PCDH15: variants seen among roughly 807,000 people sequenced by gnomAD.
The protein encoded by PCDH15 is protocadherin related 15.
Under a neutral mutation model 178.5 loss-of-function variants are expected in PCDH15, and 129 were observed. That is an observed-to-expected ratio of 0.72 (90% CI 0.63 to 0.84). PCDH15 has a LOEUF of 0.84. Ranked by LOEUF, PCDH15 falls within the 40% of genes least tolerant of loss-of-function variation. The pLI is 0.00. For missense variants in PCDH15, 2,230 were observed against 2,099.9 expected, an observed-to-expected ratio of 1.06 and a Z score of -1.21; for synonymous variants, 800 against 732.0, an observed-to-expected ratio of 1.09 and a Z score of -1.50.
chr10:55,527,649 T>C (rs550436404), intron 2 of PCDH15, among the ~76,000 whole-genome samples: 3 of 152,036 alleles, frequency 2.0e-5, no homozygotes, highest in African/African-American at 7.2e-5. Context: ...TCTTTCTTAT[T>C]AAGTCAAACT....
chr10:54,889,038 G>C (rs548212287), intron 3 of PCDH15, among the ~76,000 whole-genome samples: 20 of 151,772 alleles, frequency 1.3e-4, no homozygotes, highest in African/African-American at 4.8e-4. Context: ...CCATATATAT[G>C]AGCATAACAA....
At chr10:54,791,446 C>A (rs1951398799) in intron 1 of PCDH15, among the ~76,000 whole-genome samples, 1 of 151,850 alleles carries the variant, frequency 6.6e-6, no homozygotes, top group South Asian at 2.1e-4. Context: ...CCTTAGAAAC[C>A]TTGACCTCTT....
At chr10:54,056,938 C>A (rs12243005) in intron 18 of PCDH15, among the ~76,000 whole-genome samples, 31,734 of 152,108 alleles carry the variant, frequency 0.21, 3,493 homozygotes, top group Non-Finnish European at 0.23. Context: ...AGGCCCCACG[C>A]AAGTCCAAAA....
intron 21 of PCDH15, among the ~76,000 whole-genome samples, chr10:53,987,572 T>C (rs2091194912): frequency 6.6e-6 from 1 of 152,068 alleles, no homozygotes; most frequent in Admixed American, 6.6e-5. Context: ...GAAAATATAA[T>C]GAAAATAAAC....
At chr10:54,763,062 C>T (rs1307296609) in intron 1 of PCDH15, among the ~76,000 whole-genome samples, 1 of 152,116 alleles carries the variant, frequency 6.6e-6, no homozygotes, top group Non-Finnish European at 1.5e-5. Context: ...ACATCACAGA[C>T]CATCTGTGAG....
In PCDH15 at chr10:53,806,792, C is replaced by A; in HGVS notation, c.5010G>T (p.Leu1670=). Residue 1670 remains leucine, a synonymous_variant, in exon 38 of 38, where the codon CTG becomes CTT. Coordinates refer to ENST00000644397, the MANE Select transcript of PCDH15 (RefSeq NM_001384140.1). ...CCACAGGGCAAGGGGCAAATGTAAC[C>A]AGAGTTGGTCTTGCATTCATTTTTT... is the stretch of plus-strand genomic sequence containing the variant. ...STEKMNARPT[L]VTFAPCPVGT... 1 of 1,613,834 alleles carries A rather than the reference C, an allele frequency of 6.2e-7. No homozygotes were observed. Among genetic ancestry groups the A allele is most frequent in the Non-Finnish European group, 8.5e-7 (1 of 1,179,828 alleles).
intron 20 of PCDH15, among the ~76,000 whole-genome samples, chr10:53,996,114 A>G (rs917776193): frequency 2.0e-5 from 3 of 152,156 alleles, no homozygotes; most frequent in Non-Finnish European, 4.4e-5. Context: ...TTTCTTTAAA[A>G]GCTACATTCT....
At position 54,818,773 on chromosome 10, in the gene PCDH15, T is replaced by C. The variant is rs1952989114; in HGVS notation, c.-29+78677A>G. Among the ~76,000 whole-genome samples, 7 of 152,118 alleles carry C rather than the reference T, an allele frequency of 4.6e-5. No homozygotes were observed. The South Asian group carries it at 1.5e-3, about 32-fold the overall frequency. On this transcript the variant is annotated intron_variant, in intron 3 of 5. Coordinates refer to the PCDH15 transcript ENST00000458638. ...GAATTAGAGACCCTATGAAAGAACTTCTAGTCATGAAAACACACAGAATAT... is the reference window on the plus strand; with the variant it reads ...GAATTAGAGACCCTATGAAAGAACTCCTAGTCATGAAAACACACAGAATAT...
chr10:54,557,806 T>G (rs932075579), intron 2 of PCDH15, among the ~76,000 whole-genome samples: 1 of 152,172 alleles, frequency 6.6e-6, no homozygotes, highest in African/African-American at 2.4e-5. Flanking sequence ...GACAAGGTGA[T>G]AAATCTAGTA....
intron 1 of PCDH15, among the ~76,000 whole-genome samples, chr10:55,263,082 G>T (rs1249091540): frequency 1.3e-5 from 2 of 152,094 alleles, no homozygotes; most frequent in African/African-American, 4.8e-5. Flanking sequence ...TTTCGACTGG[G>T]TCTCATCCGG....
chr10:53,982,600 C>G (rs1351201683), intron 21 of PCDH15, among the ~76,000 whole-genome samples: 1 of 142,034 alleles, frequency 7.0e-6, no homozygotes, highest in Non-Finnish European at 1.5e-5. Flanking sequence ...TGTTCTCACT[C>G]ATAGGTGGGA....
chr10:55,499,615 T>C (rs554941350), intron 2 of PCDH15, among the ~76,000 whole-genome samples: 1 of 151,748 alleles, frequency 6.6e-6, no homozygotes, highest in Non-Finnish European at 1.5e-5. Context: ...TCAGCTAAAA[T>C]AGATGAAAGG....
intron 2 of PCDH15, among the ~76,000 whole-genome samples, chr10:55,378,656 T>A (rs533444173): frequency 6.6e-6 from 1 of 152,194 alleles, no homozygotes; most frequent in African/African-American, 2.4e-5. Flanking sequence ...AACTTCTCCA[T>A]TCCTCAATTC....
At chr10:55,294,905 A>G (rs967632238) in intron 1 of PCDH15, among the ~76,000 whole-genome samples, 11 of 152,180 alleles carry the variant, frequency 7.2e-5, no homozygotes, top group African/African-American at 2.7e-4. Context: ...ATTTTTCCGT[A>G]TTAAAATTTT....
chr10:54,979,307 T>A (rs1839157722), intron 2 of PCDH15, among the ~76,000 whole-genome samples: 1 of 152,288 alleles, frequency 6.6e-6, no homozygotes, highest in African/African-American at 2.4e-5. Context: ...ATTATTTGAA[T>A]AGTTCTCTTG....
intron 3 of PCDH15, among the ~76,000 whole-genome samples, chr10:54,435,413 T>C (rs114114951): frequency 0.02 from 3,007 of 152,324 alleles, 105 homozygotes; most frequent in African/African-American, 0.069. Context: ...CATAACATGC[T>C]GGGGCCTTCT....
intron 23 of PCDH15, among the ~76,000 whole-genome samples, chr10:53,951,320 C>A (rs2087014700): frequency 6.7e-6 from 1 of 150,218 alleles, no homozygotes; most frequent in African/African-American, 2.4e-5. Flanking sequence ...ATTTCCCTCC[C>A]ACCCCCACCA....
chr10:55,397,151 T>C (rs1005475126), intron 2 of PCDH15, among the ~76,000 whole-genome samples: 7 of 152,192 alleles, frequency 4.6e-5, no homozygotes, highest in African/African-American at 1.4e-4. Context: ...ATATTTCTAG[T>C]ATAAATTATC....
intron 2 of PCDH15, among the ~76,000 whole-genome samples, chr10:54,981,766 C>T (rs572629816): frequency 1.3e-5 from 2 of 151,802 alleles, no homozygotes; most frequent in Admixed American, 6.6e-5. Flanking sequence ...TTCCTGGAAC[C>T]CCCCACCTCC....
Sources: gnomAD v4.1 joint callset for allele counts (sites outside exome capture counted in the v4.1 genomes callset) on GRCh38, gnomAD v4.1.1 for gene constraint, MANE v1.5 for transcripts, NCBI Gene and HGNC (gene_info 2026-07-23, HGNC 2026-07-21) for gene names.